IRAK1BP1: variants seen among roughly 807,000 people sequenced by gnomAD.
The protein encoded by IRAK1BP1 is interleukin 1 receptor associated kinase 1 binding protein 1.
IRAK1BP1 carries 24 observed loss-of-function variants against 28.0 expected under a neutral mutation model. That is an observed-to-expected ratio of 0.86 (90% confidence interval 0.62 to 1.20). The LOEUF (loss-of-function observed/expected upper bound fraction) is 1.20. IRAK1BP1 is among the 50% of genes most tolerant of loss of function. The pLI, the probability that IRAK1BP1 is intolerant of heterozygous loss-of-function variation, is 0.00. For missense variants in IRAK1BP1, 336 were observed against 316.7 expected (o/e 1.06, Z -0.46); for synonymous variants, 131 against 116.3 (o/e 1.13, Z -0.81).
rs549916545 is a variant in IRAK1BP1 at position 78,943,545 on chromosome 6, CTTA to C, written c.*68-1858_*68-1856del. ...GCAAAGCATTTTGGTTATTCAAACA[CTTA>C]TTATCTTCTGTATAATGGGCATTAA... On this transcript the variant is annotated intron_variant and NMD_transcript_variant, in intron 4 of 4. Coordinates refer to the IRAK1BP1 transcript ENST00000606868. 3.0e-4 allele frequency among the ~76,000 whole-genome samples: 45 copies of C among 152,256 alleles called. No homozygotes were observed. The South Asian group carries it at 9.1e-3, about 31-fold the overall frequency.
At chr6:78,961,298 T>C in the IRAK1BP1 span, among the ~76,000 whole-genome samples, 1 of 151,802 alleles carries the variant, frequency 6.6e-6, no homozygotes, top group Non-Finnish European at 1.5e-5. Context: ...ATACAAAATT[T>C]TTATTATATA....
chr6:78,955,242 C>G, the IRAK1BP1 span: 1 of 1,605,936 alleles, frequency 6.2e-7, no homozygotes, highest in Non-Finnish European at 8.5e-7. Flanking sequence ...CTTCCTTTTT[C>G]GAGTAGAAGT....
At chr6:78,871,953 T>C (rs747725498) in intron 1 of IRAK1BP1, 3 of 503,518 alleles carry the variant, frequency 6.0e-6, no homozygotes, top group Non-Finnish European at 1.0e-5. Context: ...AGTGAAAGCT[T>C]TCCCTGGCTG....
intron 4 of IRAK1BP1, among the ~76,000 whole-genome samples, chr6:78,915,798 A>C (rs1044534964): frequency 2.0e-5 from 3 of 152,058 alleles, no homozygotes; most frequent in Admixed American, 2.0e-4. Context: ...TTTTATTATA[A>C]TCCTTGTGCA....
intron 4 of IRAK1BP1, among the ~76,000 whole-genome samples, chr6:78,921,962 C>A (rs191216676): frequency 6.6e-6 from 1 of 152,216 alleles, no homozygotes; most frequent in East Asian, 1.9e-4. Flanking sequence ...GATAAAACCA[C>A]AAAGATGGGG....
chr6:78,951,913 T>C, the IRAK1BP1 span, among the ~76,000 whole-genome samples: 66 of 152,352 alleles, frequency 4.3e-4, 1 homozygote, highest in South Asian at 0.013. Context: ...GTTTTGTCTA[T>C]AAATCTTAGA....
the IRAK1BP1 span, chr6:78,961,619 C>A: frequency 2.3e-5 from 35 of 1,510,338 alleles, no homozygotes; most frequent in Non-Finnish European, 3.1e-5. Context: ...AGAAACACTG[C>A]TAAAGATCAG....
chr6:78,868,079 C>T (rs9341753), intron 1 of IRAK1BP1, among the ~76,000 whole-genome samples, 188 bp downstream of exon 1: 39,962 of 152,070 alleles, frequency 0.26, 5,590 homozygotes, highest in Non-Finnish European at 0.3. Context: ...CATTCTTCTC[C>T]TAGACGAAGG....
At chr6:78,969,562 T>A in the IRAK1BP1 span, among the ~76,000 whole-genome samples, 1 of 152,186 alleles carries the variant, frequency 6.6e-6, no homozygotes, top group South Asian at 2.1e-4. Flanking sequence ...GTTATTAATA[T>A]TTTTATACAA....
chr6:78,950,371 GTTGGGAATT>G (rs1774074132), downstream of IRAK1BP1, among the ~76,000 whole-genome samples: 1 of 152,192 alleles, frequency 6.6e-6, no homozygotes, highest in Non-Finnish European at 1.5e-5. Context: ...CATAGAGTGA[GTTGGGAATT>G]TTGAGTTTTT....
chr6:78,879,637 C>A (rs1771148907), intron 1 of IRAK1BP1, among the ~76,000 whole-genome samples: 1 of 152,128 alleles, frequency 6.6e-6, no homozygotes, highest in East Asian at 1.9e-4. Context: ...GCACTTCTGC[C>A]CACTGCATTT....
At chr6:78,974,193 A>C in the IRAK1BP1 span, among the ~76,000 whole-genome samples, 9 of 152,236 alleles carry the variant, frequency 5.9e-5, no homozygotes, top group Non-Finnish European at 1.0e-4. Context: ...ACCACAGAGC[A>C]ATCAAACTAG....
chr6:78,970,177 A>G, the IRAK1BP1 span: 1 of 1,608,726 alleles, frequency 6.2e-7, no homozygotes, highest in East Asian at 2.2e-5. Flanking sequence ...CTTGTTCCTG[A>G]GAGAGACAGA....
chr6:78,950,590 T>C (rs1774087839), downstream of IRAK1BP1, among the ~76,000 whole-genome samples: 1 of 152,192 alleles, frequency 6.6e-6, no homozygotes, highest in South Asian at 2.1e-4. Context: ...TATCGGTCTA[T>C]TTCATGTAAG....
chr6:78,975,199 G>T, the IRAK1BP1 span, among the ~76,000 whole-genome samples: 2 of 151,786 alleles, frequency 1.3e-5, no homozygotes, highest in African/African-American at 4.8e-5. Context: ...TTCATCCCTG[G>T]GATGCAAGGC....
rs890249768 is a variant in IRAK1BP1 at position 78,900,474 on chromosome 6, G to A, written c.*2140G>A. The A allele has an allele frequency of 6.6e-6, 1 of 152,168 alleles. No individual in the cohort carries two copies. Among genetic ancestry groups the A allele is most frequent in the Admixed American group, 6.5e-5 (1 of 15,276 alleles). 9.4% of individuals were successfully genotyped at this position (152,168 alleles called of 1,614,324 possible). On this transcript the variant is annotated 3_prime_UTR_variant, in exon 4 of 4. Coordinates refer to ENST00000369940, the MANE Select transcript of IRAK1BP1 (RefSeq NM_001010844.4). Reference sequence around the variant, plus strand: ...AAACAATTTTATTCATCTTATTGGAGTGTTGCTGTAGGGGAAGAGTAGAAG... The same window carrying A: ...AAACAATTTTATTCATCTTATTGGAATGTTGCTGTAGGGGAAGAGTAGAAG...
the IRAK1BP1 span, among the ~76,000 whole-genome samples, chr6:78,974,804 T>G: frequency 1.3e-5 from 2 of 150,544 alleles, no homozygotes; most frequent in Non-Finnish European, 3.0e-5. Context: ...ACACATACAC[T>G]CTCCCAAGAC....
the IRAK1BP1 span, among the ~76,000 whole-genome samples, chr6:78,952,317 G>A: frequency 6.6e-6 from 1 of 151,482 alleles, no homozygotes; most frequent in African/African-American, 2.4e-5. Flanking sequence ...TACTCGTGAG[G>A]CCGAGGCAGG....
At chr6:78,890,650 A>G (rs999934064) in intron 2 of IRAK1BP1, among the ~76,000 whole-genome samples, 3 of 152,184 alleles carry the variant, frequency 2.0e-5, no homozygotes, top group Non-Finnish European at 4.4e-5. Flanking sequence ...TAGTTCACAA[A>G]CCAAGGGTCA....
Sources: gnomAD v4.1 joint callset for allele counts (sites outside exome capture counted in the v4.1 genomes callset) on GRCh38, gnomAD v4.1.1 for gene constraint, MANE v1.5 for transcripts, NCBI Gene and HGNC (gene_info 2026-07-23, HGNC 2026-07-21) for gene names.